The following FOXP1 variants were observed in gnomAD, a reference collection of about 807,000 sequenced individuals.
FOXP1 encodes the protein forkhead box P1.
Under a neutral mutation model 98.2 loss-of-function variants are expected in FOXP1, and 15 were observed. The ratio of observed to expected loss-of-function variants is 0.15; its 90% CI spans 0.10 to 0.24. The LOEUF is 0.24. Among genes scored for constraint, FOXP1 ranks in the 10% least tolerant of loss-of-function variants. FOXP1 has a pLI of 1.00. For missense variants in FOXP1, 633 were observed against 848.5 expected, an observed-to-expected ratio of 0.75 and a Z score of 3.15; for synonymous variants, 371 against 314.5, an observed-to-expected ratio of 1.18 and a Z score of -1.90.
At chr3:71,312,266 C>G (rs781006299) in intron 4 of FOXP1, among the ~76,000 whole-genome samples, 1 of 152,120 alleles carries the variant, frequency 6.6e-6, no homozygotes, top group Non-Finnish European at 1.5e-5. Context: ...TGGACTTCAG[C>G]GAAAGAAAGG....
chr3:71,464,684 G>A (rs973376604), intron 3 of FOXP1, among the ~76,000 whole-genome samples: 2 of 152,180 alleles, frequency 1.3e-5, no homozygotes, highest in African/African-American at 2.4e-5. Flanking sequence ...TCACCCCCAA[G>A]GTGAGGGGAT....
chr3:71,444,826 G>A (rs1368327243), intron 3 of FOXP1, among the ~76,000 whole-genome samples: 3 of 152,168 alleles, frequency 2.0e-5, no homozygotes, highest in Non-Finnish European at 2.9e-5. Context: ...TGATGTTTGC[G>A]AGGGATGCTC....
chr3:71,560,547 C>T (rs1007578665), intron 2 of FOXP1, among the ~76,000 whole-genome samples: 1 of 152,178 alleles, frequency 6.6e-6, no homozygotes, highest in Non-Finnish European at 1.5e-5. Flanking sequence ...AGTCACTCCA[C>T]TTCTAGGTAC....
At chr3:71,531,100 T>C (rs560892171) in intron 2 of FOXP1, among the ~76,000 whole-genome samples, 4 of 152,388 alleles carry the variant, frequency 2.6e-5, no homozygotes, top group Middle Eastern at 3.4e-3. Flanking sequence ...AAAACCTTTG[T>C]TCCTTATTTC....
rs371327962 is a variant in FOXP1 at position 71,328,019 on chromosome 3, T to C, written c.-72-28139A>G. On this transcript the variant is annotated intron_variant, in intron 4 of 20. Transcript: ENST00000649528. ...TGTCATTTAAAACTACACCAGAAAG[T>C]TTATTCATCAGCAGTAGAGAGATCT... is the stretch of plus-strand genomic sequence containing the variant. 1.5e-4 allele frequency among the ~76,000 whole-genome samples: 23 copies of C among 152,218 alleles called. No homozygotes were observed. In the South Asian group the frequency reaches 4.8e-3, roughly 32 times the overall value.
chr3:71,101,331 CAT>C (rs1401840616), intron 7 of FOXP1, among the ~76,000 whole-genome samples: 18 of 152,128 alleles, frequency 1.2e-4, no homozygotes, highest in African/African-American at 4.3e-4. Flanking sequence ...TGGAGGCACC[CAT>C]GTGTGTGAAG....
intron 7 of FOXP1, among the ~76,000 whole-genome samples, chr3:71,058,606 A>G (rs1193759918): frequency 1.1e-4 from 15 of 139,466 alleles, no homozygotes; most frequent in Admixed American, 3.6e-4. Flanking sequence ...GAGAGAGGAG[A>G]AAAAAAAAAA....
intron 6 of FOXP1, among the ~76,000 whole-genome samples, chr3:71,143,632 A>C (rs1011657857): frequency 1.3e-5 from 2 of 152,208 alleles, no homozygotes; most frequent in Non-Finnish European, 2.9e-5. Context: ...AGTGGCTCAC[A>C]TATGTAATTC....
intron 3 of FOXP1, among the ~76,000 whole-genome samples, chr3:71,405,087 T>C (rs1417958944): frequency 6.6e-6 from 1 of 152,190 alleles, no homozygotes; most frequent in Non-Finnish European, 1.5e-5. Context: ...TTTCCACACA[T>C]CTGCCTTGCC....
chr3:71,125,322 A>G (rs2059088160), intron 6 of FOXP1, among the ~76,000 whole-genome samples: 1 of 152,224 alleles, frequency 6.6e-6, no homozygotes, highest in Non-Finnish European at 1.5e-5. Flanking sequence ...TGTATTCAAG[A>G]ACGACATACA....
intron 5 of FOXP1, among the ~76,000 whole-genome samples, chr3:71,299,343 A>G (rs1371337547): frequency 2.0e-5 from 3 of 152,192 alleles, no homozygotes; most frequent in Admixed American, 2.0e-4. Context: ...AGTTACATCA[A>G]TGTGGCGTGT....
intron 11 of FOXP1, among the ~76,000 whole-genome samples, chr3:71,021,947 T>C (rs1164658936): frequency 6.6e-6 from 1 of 152,222 alleles, no homozygotes; most frequent in Non-Finnish European, 1.5e-5. Flanking sequence ...GCACAAACAT[T>C]TTGAATTCTG....
Position 71,383,212 on chromosome 3 carries a change from G to A in FOXP1, c.-167-23968C>T, listed in dbSNP as rs551500755. ...GGCTCTCTAACAGCAAATGCTTTCCGCTAGCTCTGCATCAAACAGCACCAC... is the reference window on the plus strand; with the variant it reads ...GGCTCTCTAACAGCAAATGCTTTCCACTAGCTCTGCATCAAACAGCACCAC... On this transcript the variant is annotated intron_variant, in intron 3 of 20. Coordinates refer to ENST00000649528, the MANE Select transcript of FOXP1 (RefSeq NM_001349338.3). Among the ~76,000 whole-genome samples the A allele has an allele frequency of 5.3e-5, 8 of 152,280 alleles. No individual in the cohort carries two copies. The South Asian group carries it at 6.2e-4, about 12-fold the overall frequency.
At chr3:71,361,580 A>T (rs1415041975) in intron 3 of FOXP1, among the ~76,000 whole-genome samples, 2 of 152,198 alleles carry the variant, frequency 1.3e-5, no homozygotes, top group African/African-American at 4.8e-5. Context: ...GTGGGAGGAT[A>T]ATTTGTAGGT....
intron 2 of FOXP1, among the ~76,000 whole-genome samples, chr3:71,563,903 C>T (rs1355209082): frequency 2.0e-5 from 3 of 152,194 alleles, no homozygotes. Context: ...GCCAAACTGC[C>T]GTATGACTTC....
At chr3:71,453,119 G>A (rs1050014163) in intron 3 of FOXP1, among the ~76,000 whole-genome samples, 6 of 151,994 alleles carry the variant, frequency 3.9e-5, no homozygotes, top group Non-Finnish European at 5.9e-5. Context: ...AGCTTACCTC[G>A]CATTACTTCC....
intron 5 of FOXP1, among the ~76,000 whole-genome samples, chr3:71,236,049 C>A (rs770785680): frequency 1.3e-5 from 2 of 152,130 alleles, no homozygotes; most frequent in Non-Finnish European, 2.9e-5. Flanking sequence ...TAATCAAAGC[C>A]CAGGATAAGA....
chr3:71,323,526 T>C (rs2107679731), intron 4 of FOXP1, among the ~76,000 whole-genome samples: 1 of 151,910 alleles, frequency 6.6e-6, no homozygotes, highest in African/African-American at 2.4e-5. Flanking sequence ...CCCAGGGCAA[T>C]AAGGACCAAG....
intron 2 of FOXP1, among the ~76,000 whole-genome samples, chr3:71,562,386 T>C (rs1484726199): frequency 1.3e-5 from 2 of 152,192 alleles, no homozygotes; most frequent in African/African-American, 4.8e-5. Context: ...AGCACAGAAA[T>C]GTTAATAGCT....
Sources: gnomAD v4.1 joint callset for allele counts (sites outside exome capture counted in the v4.1 genomes callset) on GRCh38, gnomAD v4.1.1 for gene constraint, MANE v1.5 for transcripts, NCBI Gene and HGNC (gene_info 2026-07-23, HGNC 2026-07-21) for gene names.